ADCY2: variants seen among roughly 807,000 people sequenced by gnomAD.
The protein encoded by ADCY2 is adenylate cyclase 2, also known as adenylate cyclase type 2.
In ADCY2, 31 loss-of-function variants were observed where a neutral mutation model predicts 125.2. The ratio of observed to expected loss-of-function variants is 0.25; its 90% CI spans 0.19 to 0.33. The LOEUF (loss-of-function observed/expected upper bound fraction) is 0.33. Ranked by LOEUF, ADCY2 falls within the 10% of genes least tolerant of loss-of-function variation. The pLI is 1.00. For synonymous variants in ADCY2, 512 were observed against 548.4 expected, an observed-to-expected ratio of 0.93 and a Z score of 0.93; for missense variants, 904 against 1,418.2, an observed-to-expected ratio of 0.64 and a Z score of 5.82.
chr5:7,396,656 C>T lies in ADCY2; in HGVS notation c.210+150C>T, dbSNP rs901561772. On this transcript the variant is annotated intron_variant, in intron 1 of 24. Coordinates refer to ENST00000338316, the MANE Select transcript of ADCY2 (RefSeq NM_020546.3). The surrounding 1 kb of genome is among the most constrained non-coding windows in gnomAD (Gnocchi z 5.7). ...CCCCTCGGCCCGCGGCTCCCTGCTT[C>T]TCCTGCTGGCCCGCGGCCCGGTGGA... The T allele has an allele frequency of 4.3e-6, 2 of 465,652 alleles. No homozygotes were observed. The highest frequency in any genetic ancestry group is 2.4e-5 in the African/African-American group (1 of 42,062). 28.8% of individuals were successfully genotyped at this position (465,652 alleles called of 1,614,324 possible).
Position 7,825,940 on chromosome 5 carries a change from G to C in ADCY2, c.3124-779G>C, listed in dbSNP as rs191048851. Among the ~76,000 whole-genome samples the C allele has an allele frequency of 1.1e-4, 17 of 152,338 alleles. No homozygotes were observed. The East Asian group carries it at 3.3e-3, about 29-fold the overall frequency. ...CATCCGACCTGCAGGGCCTGGACAT[G>C]GTTCAGCTGCCGGGTCCCTCGCCTG... is the stretch of plus-strand genomic sequence containing the variant. On this transcript the variant is annotated intron_variant, in intron 24 of 24. Transcript: ENST00000338316.
chr5:7,820,801 C>A, intron 24 of ADCY2, 112 bp downstream of exon 24: 3 of 1,295,162 alleles, frequency 2.3e-6, no homozygotes, highest in Non-Finnish European at 3.0e-6. Context: ...AAAAAGTAAA[C>A]CTTGAAATTT....
At chr5:7,402,343 G>T (rs763559140) in intron 1 of ADCY2, among the ~76,000 whole-genome samples, 9 of 152,186 alleles carry the variant, frequency 5.9e-5, no homozygotes, top group Non-Finnish European at 1.0e-4. Flanking sequence ...TTTGGTATAA[G>T]GATGCAATAA....
At chr5:7,666,467 A>G (rs1241500647) in intron 4 of ADCY2, among the ~76,000 whole-genome samples, 1 of 151,636 alleles carries the variant, frequency 6.6e-6, no homozygotes, top group African/African-American at 2.4e-5. Context: ...ATGGGGTTTC[A>G]CCGTGTTAGT....
chr5:7,692,515 C>G (rs1488895621), intron 5 of ADCY2, among the ~76,000 whole-genome samples: 1 of 152,168 alleles, frequency 6.6e-6, no homozygotes, highest in Non-Finnish European at 1.5e-5. Flanking sequence ...ACTGGCTTGC[C>G]TTCAGGTTTG....
chr5:7,813,530 G>A (rs1428340217), intron 22 of ADCY2, among the ~76,000 whole-genome samples: 1 of 152,086 alleles, frequency 6.6e-6, no homozygotes, highest in Non-Finnish European at 1.5e-5. Context: ...TAAATAGCTG[G>A]GGATATGTAA....
chr5:7,804,040 A>AAGAGAGAGAGAGAGAGAGAGAGAGAGAG lies in ADCY2; in HGVS notation c.2776-538_2776-511dup, dbSNP rs57193249. ...TCTTAGGCCTCCCATGGAGGGGGGA[A>AAGAGAGAGAGAGAGAGAGAGAGAGAGAG]AGAGAGAGAGAGAGAGAGAGAGAGA... is the stretch of plus-strand genomic sequence containing the variant. On this transcript the variant is annotated intron_variant, in intron 21 of 24. Transcript: ENST00000338316. Among the ~76,000 whole-genome samples the AAGAGAGAGAGAGAGAGAGAGAGAGAGAG allele has an allele frequency of 2.8e-3, 296 of 106,522 alleles. 24 individuals are homozygous for AAGAGAGAGAGAGAGAGAGAGAGAGAGAG. The highest frequency in any genetic ancestry group is 7.2e-3 in the Middle Eastern group (1 of 138). The allele number at this position is 106,522 out of a possible 152,430, so 69.9% of individuals were successfully genotyped here. A position where few individuals can be genotyped will look rare whatever the true frequency, so the allele number is the denominator to read the frequency against.
At chr5:7,515,105 C>G (rs1744207395) in intron 2 of ADCY2, among the ~76,000 whole-genome samples, 1 of 152,170 alleles carries the variant, frequency 6.6e-6, no homozygotes, top group African/African-American at 2.4e-5. Context: ...TGGTCCCTTC[C>G]ACTCTACCTT....
At chr5:7,569,706 G>A (rs1260317312) in intron 3 of ADCY2, among the ~76,000 whole-genome samples, 1 of 152,092 alleles carries the variant, frequency 6.6e-6, no homozygotes, top group Non-Finnish European at 1.5e-5. Flanking sequence ...GCCTCAGTAT[G>A]ACTCTGACTT....
At chr5:7,694,440 A>C (rs1279085343) in intron 5 of ADCY2, among the ~76,000 whole-genome samples, 1 of 151,726 alleles carries the variant, frequency 6.6e-6, no homozygotes, top group Non-Finnish European at 1.5e-5. Context: ...ACAACTCCAC[A>C]ACTCCCCCTC....
At chr5:7,523,814 G>T (rs1438289374) in intron 3 of ADCY2, among the ~76,000 whole-genome samples, 2 of 152,144 alleles carry the variant, frequency 1.3e-5, no homozygotes, top group African/African-American at 4.8e-5. Flanking sequence ...GTAAAATAAG[G>T]ATACTGGCCT....
intron 5 of ADCY2, among the ~76,000 whole-genome samples, chr5:7,693,297 A>G: frequency 6.6e-6 from 1 of 151,354 alleles, no homozygotes. Flanking sequence ...AAGTGGCAAT[A>G]TGGTCAGGCT....
chr5:7,522,485 C>CTGAGGGTATT (rs1333931660), intron 3 of ADCY2: 1 of 111,092 alleles, frequency 9.0e-6, no homozygotes, highest in African/African-American at 4.3e-5. Flanking sequence ...AGAGCCTCTC[C>CTGAGGGTATT]TGTGGGGCAT....
chr5:7,669,649 G>A (rs139313456), intron 4 of ADCY2, among the ~76,000 whole-genome samples: 610 of 152,302 alleles, frequency 4.0e-3, no homozygotes, highest in Non-Finnish European at 6.1e-3. Context: ...GTAAGTTTTT[G>A]TGGGGGGAAC....
intron 20 of ADCY2, chr5:7,797,602 G>A (rs1441440973): frequency 6.6e-6 from 1 of 152,292 alleles, no homozygotes; most frequent in Non-Finnish European, 1.5e-5. Flanking sequence ...TAGGGCACGT[G>A]TGTGTGTAAC....
At chr5:7,650,217 G>GACACAC (rs3073883) in intron 4 of ADCY2, among the ~76,000 whole-genome samples, 2,960 of 147,760 alleles carry the variant, frequency 0.02, 54 homozygotes, top group African/African-American at 0.037. Flanking sequence ...TGCAGGCACA[G>GACACAC]ACACACACAC....
chr5:7,450,025 T>C (rs1230473260), intron 2 of ADCY2, among the ~76,000 whole-genome samples: 1 of 152,166 alleles, frequency 6.6e-6, no homozygotes, highest in Non-Finnish European at 1.5e-5. Flanking sequence ...TCTCCCTCCC[T>C]CTTCTCAGGC....
intron 3 of ADCY2, among the ~76,000 whole-genome samples, chr5:7,532,008 A>G (rs1188020552): frequency 6.6e-6 from 1 of 152,188 alleles, no homozygotes; most frequent in Non-Finnish European, 1.5e-5. Flanking sequence ...TTGCCTGCTT[A>G]GGCATTACTA....
At chr5:7,735,785 T>A (rs538602464) in intron 14 of ADCY2, among the ~76,000 whole-genome samples, 1 of 152,376 alleles carries the variant, frequency 6.6e-6, no homozygotes, top group East Asian at 1.9e-4. Context: ...TTTCTACTTT[T>A]TTTTGTGATG....
Sources: allele counts gnomAD v4.1 joint callset (sites outside exome capture counted in the v4.1 genomes callset), GRCh38; gene constraint gnomAD v4.1.1; non-coding constraint Gnocchi (gnomAD v3.1); transcripts MANE v1.5; gene names NCBI Gene and HGNC (gene_info 2026-07-23, HGNC 2026-07-21).